The following JMJD1C variants were observed in gnomAD, a reference collection of about 807,000 sequenced individuals.
The protein encoded by JMJD1C is jumonji domain containing 1C.
Under a neutral mutation model 245.3 loss-of-function variants are expected in JMJD1C, and 31 were observed. The ratio of observed to expected loss-of-function variants is 0.13; its 90% CI spans 0.09 to 0.17. The LOEUF is 0.17. JMJD1C is among the 10% of genes least tolerant of loss of function. The pLI is 1.00. For synonymous variants in JMJD1C, 1,057 were observed against 1,017.4 expected, an observed-to-expected ratio of 1.04 and a Z score of -0.74; for missense variants, 2,691 against 3,000.2, an observed-to-expected ratio of 0.90 and a Z score of 2.41.
chr10:63,285,938 T>A (rs4417159), intron 2 of JMJD1C, among the ~76,000 whole-genome samples: 101,657 of 152,142 alleles, frequency 0.67, 36,443 homozygotes, highest in Non-Finnish European at 0.81. Flanking sequence ...GCTAGGAATC[T>A]ATACTTTTTA....
chr10:63,316,937 G>C (rs549509708), intron 2 of JMJD1C, among the ~76,000 whole-genome samples: 9 of 152,122 alleles, frequency 5.9e-5, no homozygotes, highest in Admixed American at 3.9e-4. Context: ...TTGGCTCACT[G>C]CAACATCCAC....
At position 63,207,758 on chromosome 10, in the gene JMJD1C, G is replaced by A. The variant is rs751791256; in HGVS notation, c.3911C>T (p.Ser1304Phe). ...SSGKLQAAMA[S>F]VIVRPSSSTK... ...ACTAGAAGATGGACGCACAATGACA[G>A]ATGCCATAGCAGCCTGTAACTTTCC... Residue 1304 changes from serine (S) to phenylalanine (F), a missense_variant, in exon 10 of 26, where the codon TCT (serine) becomes TTT (phenylalanine). Coordinates refer to ENST00000399262, the MANE Select transcript of JMJD1C (RefSeq NM_032776.3). 6.2e-7 allele frequency: 1 copy of A among 1,614,202 alleles called. No individual in the cohort carries two copies. The highest frequency in any genetic ancestry group is 1.7e-5 in the Admixed American group (1 of 60,024).
intron 8 of JMJD1C, among the ~76,000 whole-genome samples, chr10:63,211,426 A>G (rs1390235046): frequency 6.7e-6 from 1 of 150,306 alleles, no homozygotes; most frequent in East Asian, 2.0e-4. Flanking sequence ...AGACTGTATC[A>G]CTGTACTGTA....
chr10:63,318,705 A>C (rs945183425), intron 2 of JMJD1C, among the ~76,000 whole-genome samples: 1 of 152,096 alleles, frequency 6.6e-6, no homozygotes, highest in African/African-American at 2.4e-5. Flanking sequence ...TGGCATAGAT[A>C]ATTTGAGAAG....
At chr10:63,200,279 G>GT (rs1845873989) in intron 11 of JMJD1C, among the ~76,000 whole-genome samples, 197 bp downstream of exon 11, 1 of 152,138 alleles carries the variant, frequency 6.6e-6, no homozygotes, top group Non-Finnish European at 1.5e-5. Context: ...GAGTAATAAT[G>GT]TATGTATTTA....
rs112936604 is a variant in JMJD1C at position 63,291,474 on chromosome 10, G to A, written c.334-26710C>T. Among the ~76,000 whole-genome samples the A allele has an allele frequency of 3.3e-3, 501 of 151,524 alleles. 3 individuals carry two copies. The highest frequency in any genetic ancestry group is 0.011 in the African/African-American group (460 of 41,264). ...ACTAAAAATACAAAAAATTAGCCAG[G>A]TGTGGTGGCAGGCGACTGTAATCCC... On this transcript the variant is annotated intron_variant, in intron 2 of 25. Transcript: ENST00000399262.
At chr10:63,273,234 T>C (rs1471159172) in intron 2 of JMJD1C, among the ~76,000 whole-genome samples, 1 of 152,190 alleles carries the variant, frequency 6.6e-6, no homozygotes, top group Non-Finnish European at 1.5e-5. Context: ...CACTCTGTTG[T>C]CCAGGCCAGA....
chr10:63,419,664 T>C (rs1950005768), intron 1 of JMJD1C, among the ~76,000 whole-genome samples: 1 of 151,986 alleles, frequency 6.6e-6, no homozygotes, highest in Non-Finnish European at 1.5e-5. Context: ...GGCTATATCC[T>C]GGGAGCAAAA....
chr10:63,464,181 G>C (rs2133108914), intron 1 of JMJD1C, among the ~76,000 whole-genome samples: 1 of 152,064 alleles, frequency 6.6e-6, no homozygotes, highest in Middle Eastern at 3.4e-3. Context: ...ATTTCTATAC[G>C]AAAATAACCA....
At chr10:63,445,862 A>AT (rs56316223) in intron 1 of JMJD1C, among the ~76,000 whole-genome samples, 1,541 of 75,766 alleles carry the variant, frequency 0.02, 178 homozygotes, top group African/African-American at 0.036. Context: ...TGGGATCTGA[A>AT]TTTTTTTTTT....
At chr10:63,192,406 C>T (rs1339558326) in intron 16 of JMJD1C, among the ~76,000 whole-genome samples, 1 of 152,028 alleles carries the variant, frequency 6.6e-6, no homozygotes, top group Non-Finnish European at 1.5e-5. Flanking sequence ...CCTGTCTCTA[C>T]TAAAAATATA....
chr10:63,172,972 T>C (rs1003693920), intron 24 of JMJD1C, among the ~76,000 whole-genome samples: 1 of 150,362 alleles, frequency 6.7e-6, no homozygotes, highest in African/African-American at 2.5e-5. Context: ...CAAGGTCACT[T>C]TGAGCCTACT....
In JMJD1C at chr10:63,206,789, T is replaced by A; in HGVS notation, c.4880A>T (p.Glu1627Val). Reference sequence around the variant, plus strand: ...TTCACTTTCATCTGAGTCTCCACTTTCAGAGCCAGATTCATAAGTTCTTTT... The same window carrying A: ...TTCACTTTCATCTGAGTCTCCACTTACAGAGCCAGATTCATAAGTTCTTTT... ...KAKRTYESGS[E>V]SGDSDESESK... is the part of the protein sequence containing the mutation. Residue 1627 changes from glutamate to valine, a missense_variant, in exon 10 of 26, where the codon GAA (glutamate) becomes GTA (valine). By Grantham distance (121) the Glu-to-Val change is moderately radical (BLOSUM62 -2). Around this residue, in one of 9 missense-constraint regions of JMJD1C, gnomAD observed 144 missense variants for 143.3 expected, o/e 1.00. Coordinates refer to ENST00000399262, the MANE Select transcript of JMJD1C (RefSeq NM_032776.3). The A allele has an allele frequency of 6.2e-7, 1 of 1,607,420 alleles. No individual in the cohort carries two copies. Among genetic ancestry groups the A allele is most frequent in the Non-Finnish European group, 8.5e-7 (1 of 1,178,414 alleles).
At chr10:63,321,429 G>A (rs983444983) in intron 2 of JMJD1C, among the ~76,000 whole-genome samples, 4 of 152,188 alleles carry the variant, frequency 2.6e-5, no homozygotes, top group Non-Finnish European at 4.4e-5. Context: ...GGGATCTGAC[G>A]CTAGCTGTAG....
chr10:63,474,104 T>TAATA (rs146201242), intron 1 of JMJD1C, among the ~76,000 whole-genome samples: 41 of 151,124 alleles, frequency 2.7e-4, no homozygotes, highest in African/African-American at 5.1e-4. Context: ...AAAATAATAA[T>TAATA]AATAAATAAA....
At chr10:63,353,979 T>C (rs1488700437) in intron 2 of JMJD1C, among the ~76,000 whole-genome samples, 1 of 152,140 alleles carries the variant, frequency 6.6e-6, no homozygotes, top group African/African-American at 2.4e-5. Flanking sequence ...TAGCTGGAAC[T>C]ACAGGCACAC....
intron 1 of JMJD1C, among the ~76,000 whole-genome samples, chr10:63,520,519 AAAC>A (rs1441281004): frequency 5.3e-5 from 8 of 152,236 alleles, no homozygotes; most frequent in Admixed American, 6.5e-5. Context: ...AAAAAAAAAA[AAAC>A]AGTTTTAAAA....
intron 2 of JMJD1C, among the ~76,000 whole-genome samples, chr10:63,350,924 T>G (rs1944302820): frequency 6.7e-6 from 1 of 150,218 alleles, no homozygotes. Flanking sequence ...CGGCCCAAAA[T>G]TTTTATATAC....
At chr10:63,339,483 A>G (rs756777461) in intron 2 of JMJD1C, among the ~76,000 whole-genome samples, 3 of 152,184 alleles carry the variant, frequency 2.0e-5, no homozygotes, top group Non-Finnish European at 2.9e-5. Flanking sequence ...CAAGAAATAC[A>G]TTAAGTATAT....
Sources: allele counts gnomAD v4.1 joint callset (sites outside exome capture counted in the v4.1 genomes callset), GRCh38; gene constraint gnomAD v4.1.1; regional missense constraint gnomAD v4.1.1; transcripts MANE v1.5; gene names NCBI Gene and HGNC (gene_info 2026-07-23, HGNC 2026-07-21).